The following GRIA1 variants were observed in gnomAD, a reference collection of about 807,000 sequenced individuals.
GRIA1 encodes the protein glutamate ionotropic receptor AMPA type subunit 1, also known as glutamate receptor 1.
GRIA1 carries 31 observed loss-of-function variants against 99.2 expected under a neutral mutation model. The observed-to-expected ratio is 0.31, with a 90% CI of 0.23 to 0.42. The LOEUF is 0.42. GRIA1 is among the 10% of genes least tolerant of loss of function. GRIA1 has a pLI of 1.00. For missense variants in GRIA1, 782 were observed against 1,157.5 expected (o/e 0.68, Z 4.71); for synonymous variants, 438 against 432.4 (o/e 1.01, Z -0.16).
chr5:153,686,951 CTGTT>C (rs1757383116), intron 8 of GRIA1, among the ~76,000 whole-genome samples: 1 of 152,102 alleles, frequency 6.6e-6, no homozygotes, highest in East Asian at 1.9e-4. Flanking sequence ...TCCAGTCATT[CTGTT>C]TGTCTTTCAC....
intron 11 of GRIA1, among the ~76,000 whole-genome samples, chr5:153,739,088 C>CAAAAAAA (rs34623069): frequency 1.1e-4 from 15 of 139,434 alleles, no homozygotes; most frequent in African/African-American, 4.0e-4. Flanking sequence ...GGGATTTCTC[C>CAAAAAAA]AAAAAAAAAA....
chr5:153,685,330 C>T, intron 7 of GRIA1, among the ~76,000 whole-genome samples: 1 of 152,276 alleles, frequency 6.6e-6, no homozygotes, highest in South Asian at 2.1e-4. Context: ...GCAAGCTCAA[C>T]CTTAAATATC....
intron 15 of GRIA1, among the ~76,000 whole-genome samples, chr5:153,804,961 G>T (rs188076396): frequency 1.3e-5 from 2 of 151,650 alleles, no homozygotes; most frequent in Non-Finnish European, 2.9e-5. Context: ...CATGTTGACC[G>T]GGCTGGTCTC....
At chr5:153,592,821 T>A (rs970306236) in intron 2 of GRIA1, among the ~76,000 whole-genome samples, 2 of 152,212 alleles carry the variant, frequency 1.3e-5, no homozygotes, top group African/African-American at 4.8e-5. Flanking sequence ...GAGGCCAATT[T>A]GGGTCTTGGC....
rs1011014179 is a variant in GRIA1 at position 153,689,835 on chromosome 5, G to A, written c.1134+3506G>A. On this transcript the variant is annotated intron_variant, in intron 8 of 15. Transcript: ENST00000285900. Reference sequence around the variant, plus strand: ...CTGTGAAAGTAGAATTTCCACTGGGGCCTTCATCAATTGACAAACTGTCCT... The same window carrying A: ...CTGTGAAAGTAGAATTTCCACTGGGACCTTCATCAATTGACAAACTGTCCT... Among the ~76,000 whole-genome samples the A allele has an allele frequency of 3.3e-5, 5 of 152,166 alleles. No homozygotes were observed. In the South Asian group the frequency reaches 8.3e-4, roughly 25 times the overall value.
At chr5:153,774,833 A>G (rs564283988) in intron 13 of GRIA1, among the ~76,000 whole-genome samples, 30 of 152,372 alleles carry the variant, frequency 2.0e-4, no homozygotes, top group African/African-American at 7.2e-4. Context: ...AGTGTTAAAA[A>G]GCTGTGTTAG....
intron 11 of GRIA1, among the ~76,000 whole-genome samples, chr5:153,714,342 T>A (rs553868248): frequency 1.3e-5 from 2 of 152,310 alleles, no homozygotes; most frequent in South Asian, 2.1e-4. Flanking sequence ...AATATCGTAT[T>A]TATATATACA....
chr5:153,519,134 C>T (rs1049835696), intron 2 of GRIA1, among the ~76,000 whole-genome samples: 7 of 151,974 alleles, frequency 4.6e-5, no homozygotes, highest in East Asian at 1.9e-4. Flanking sequence ...CATGATGGCA[C>T]GCACCTGTAG....
chr5:153,627,358 C>T (rs1484354136), intron 2 of GRIA1, among the ~76,000 whole-genome samples: 1 of 152,156 alleles, frequency 6.6e-6, no homozygotes, highest in African/African-American at 2.4e-5. Flanking sequence ...GGACGAAGCA[C>T]CGTTTTGAAT....
intron 2 of GRIA1, among the ~76,000 whole-genome samples, chr5:153,572,539 T>C (rs982829690): frequency 6.6e-6 from 1 of 152,128 alleles, no homozygotes; most frequent in African/African-American, 2.4e-5. Context: ...ATGCCACAAT[T>C]GATTAGAGCT....
intron 2 of GRIA1, among the ~76,000 whole-genome samples, chr5:153,531,130 GA>G (rs1382724121): frequency 6.6e-6 from 1 of 152,152 alleles, no homozygotes; most frequent in Non-Finnish European, 1.5e-5. Flanking sequence ...TAATAGTGGG[GA>G]AAAATATTCT....
intron 2 of GRIA1, among the ~76,000 whole-genome samples, chr5:153,507,476 C>A (rs1267209416): frequency 6.6e-6 from 1 of 152,182 alleles, no homozygotes; most frequent in Non-Finnish European, 1.5e-5. Context: ...CAGAACTTGG[C>A]ATCCTTCCTG....
At chr5:153,804,604 G>A (rs1157429055) in intron 15 of GRIA1, among the ~76,000 whole-genome samples, 5 of 152,166 alleles carry the variant, frequency 3.3e-5, no homozygotes, top group Non-Finnish European at 7.3e-5. Flanking sequence ...ACACAGTACA[G>A]CATCATCATC....
chr5:153,723,119 A>C (rs1346867318), intron 11 of GRIA1, among the ~76,000 whole-genome samples: 1 of 152,238 alleles, frequency 6.6e-6, no homozygotes, highest in African/African-American at 2.4e-5. Flanking sequence ...CAAATGAGAT[A>C]GAAGGTACTG....
chr5:153,521,318 T>A (rs1454387715), intron 2 of GRIA1, among the ~76,000 whole-genome samples: 1 of 152,162 alleles, frequency 6.6e-6, no homozygotes, highest in Non-Finnish European at 1.5e-5. Flanking sequence ...CAGAAGAAAG[T>A]ATCAGGGACC....
chr5:153,494,261 G>T, intron 2 of GRIA1, 196 bp downstream of exon 2: 1 of 575,052 alleles, frequency 1.7e-6, no homozygotes, highest in Non-Finnish European at 3.1e-6. Flanking sequence ...AATGCTTCAT[G>T]TAATGGATTT....
chr5:153,549,136 C>G (rs760915885), intron 2 of GRIA1, among the ~76,000 whole-genome samples: 1 of 152,066 alleles, frequency 6.6e-6, no homozygotes, highest in Non-Finnish European at 1.5e-5. Context: ...AATGAGCTCC[C>G]CCTCCTTTCA....
At chr5:153,774,391 T>A (rs1296914317) in intron 13 of GRIA1, among the ~76,000 whole-genome samples, 1 of 152,152 alleles carries the variant, frequency 6.6e-6, no homozygotes, top group Non-Finnish European at 1.5e-5. Flanking sequence ...TTATTTTGAA[T>A]CATAAAAAAT....
At chr5:153,731,672 G>GT (rs1761036195) in intron 11 of GRIA1, among the ~76,000 whole-genome samples, 1 of 152,014 alleles carries the variant, frequency 6.6e-6, no homozygotes, top group Non-Finnish European at 1.5e-5. Flanking sequence ...ATGTGTGTAT[G>GT]TTGTGAAATG....
Sources: allele counts gnomAD v4.1 joint callset (sites outside exome capture counted in the v4.1 genomes callset), GRCh38; gene constraint gnomAD v4.1.1; transcripts MANE v1.5; gene names NCBI Gene and HGNC (gene_info 2026-07-23, HGNC 2026-07-21).